Variants in RAB3B observed in about 807,000 individuals in gnomAD.
RAB3B encodes RAB3B, member RAS oncogene family.
Under a neutral mutation model 20.5 loss-of-function variants are expected in RAB3B, and 11 were observed. That is an observed-to-expected ratio of 0.54 (90% CI 0.34 to 0.89). The LOEUF is 0.89. RAB3B is among the 40% of genes least tolerant of loss of function. The probability of loss-of-function intolerance (pLI) is 0.02; values close to 1 mark genes in which losing one functional copy is unlikely to be tolerated. For synonymous variants in RAB3B, 99 were observed against 106.3 expected, an observed-to-expected ratio of 0.93 and a Z score of 0.42; for missense variants, 225 against 280.9, an observed-to-expected ratio of 0.80 and a Z score of 1.42.
chr1:51,954,912 G>T (rs948170283), intron 2 of RAB3B, among the ~76,000 whole-genome samples: 7 of 152,234 alleles, frequency 4.6e-5, no homozygotes, highest in Admixed American at 6.5e-5. Flanking sequence ...GCTAGATCAC[G>T]GAGGTCTTGA....
chr1:51,979,439 T>G (rs942691892), intron 1 of RAB3B, among the ~76,000 whole-genome samples: 1 of 152,000 alleles, frequency 6.6e-6, no homozygotes, highest in African/African-American at 2.4e-5. Context: ...CCTAGTTAAT[T>G]TCTGTATTTT....
chr1:51,968,934 T>G (rs1029641009), intron 2 of RAB3B, among the ~76,000 whole-genome samples: 3 of 152,230 alleles, frequency 2.0e-5, no homozygotes, highest in Admixed American at 1.3e-4. Context: ...TTTGTCCCAT[T>G]GTTTGTCATT....
At chr1:51,974,348 G>C (rs1161399951) in intron 2 of RAB3B, among the ~76,000 whole-genome samples, 2 of 152,170 alleles carry the variant, frequency 1.3e-5, no homozygotes, top group East Asian at 3.8e-4. Flanking sequence ...AAACCACCTG[G>C]AAAATTTGTT....
chr1:51,930,144 C>G (rs1237028418), intron 4 of RAB3B, among the ~76,000 whole-genome samples: 1 of 152,162 alleles, frequency 6.6e-6, no homozygotes, highest in Non-Finnish European at 1.5e-5. Flanking sequence ...TCTTCAAGTG[C>G]CTTCCTAAAA....
At chr1:51,958,000 A>C (rs1684733721) in intron 2 of RAB3B, among the ~76,000 whole-genome samples, 1 of 152,098 alleles carries the variant, frequency 6.6e-6, no homozygotes, top group Admixed American at 6.5e-5. Flanking sequence ...CAACCTCAGA[A>C]TTGCCACCAA....
chr1:51,940,521 G>T (rs2124261004), intron 2 of RAB3B, among the ~76,000 whole-genome samples: 1 of 152,242 alleles, frequency 6.6e-6, no homozygotes. Context: ...TACTTGGGAG[G>T]CTGAGGCACG....
At position 51,920,010 on chromosome 1, in the gene RAB3B, T is replaced by C. The variant is rs748239229; in HGVS notation, c.577A>G (p.Thr193Ala). 3.7e-6 allele frequency: 6 copies of C among 1,614,144 alleles called. No individual in the cohort carries two copies. The South Asian group carries it at 6.6e-5, about 18-fold the overall frequency. Residue 193 changes from threonine (T) to alanine (A), a missense_variant, in exon 5 of 5, where the codon ACA becomes GCA. Transcript: ENST00000371655. ...GAGGAGCCCAGCATCGACGGGTCTGTGTCCAGCGAATCAGACATCTTGTCA... is the reference window on the plus strand; with the variant it reads ...GAGGAGCCCAGCATCGACGGGTCTGCGTCCAGCGAATCAGACATCTTGTCA... Reference protein sequence around the residue: ...ICDKMSDSLDTDPSMLGSSKN... With the variant: ...ICDKMSDSLDADPSMLGSSKN...
intron 2 of RAB3B, among the ~76,000 whole-genome samples, chr1:51,939,518 G>A (rs371677380): frequency 1.3e-5 from 2 of 152,048 alleles, no homozygotes; most frequent in East Asian, 3.9e-4. Context: ...GAACTCCTAG[G>A]CTCAAGTGAT....
chr1:51,956,088 G>A (rs1684702923), intron 2 of RAB3B, among the ~76,000 whole-genome samples: 1 of 152,192 alleles, frequency 6.6e-6, no homozygotes. Flanking sequence ...GTAAGGCTGG[G>A]AGGCAGGAGG....
At chr1:51,985,891 A>G (rs549493052) in intron 1 of RAB3B, among the ~76,000 whole-genome samples, 1 of 151,832 alleles carries the variant, frequency 6.6e-6, no homozygotes, top group African/African-American at 2.4e-5. Context: ...AAGACAAGTG[A>G]TTTGTCCAAG....
At chr1:51,962,971 G>A (rs995743225) in intron 2 of RAB3B, among the ~76,000 whole-genome samples, 4 of 152,038 alleles carry the variant, frequency 2.6e-5, no homozygotes, top group Admixed American at 6.5e-5. Flanking sequence ...TCAATATCAT[G>A]AGATTATACC....
rs1683951264 is a variant in RAB3B, at chr1:51,908,495, C to T, written c.*11432G>A. 6.6e-6 allele frequency: 1 copy of T among 152,022 alleles called. No homozygotes were observed. The highest frequency in any genetic ancestry group is 6.6e-5 in the Admixed American group (1 of 15,222). The allele number at this position is 152,022 out of a possible 1,614,324, so 9.4% of individuals were successfully genotyped here. ...TCTCTGTGTGGCCACAGAGATAGAT[C>T]ATCTGCTCCTGGCTCCTTGATCTGA... On this transcript the variant is annotated 3_prime_UTR_variant, in exon 5 of 5. Transcript: ENST00000371655.
intron 2 of RAB3B, among the ~76,000 whole-genome samples, chr1:51,954,596 T>C (rs890766344): frequency 6.6e-6 from 1 of 152,180 alleles, no homozygotes; most frequent in Admixed American, 6.5e-5. Context: ...ATCACTGTTG[T>C]AGCTGGAGGA....
chr1:51,923,175 G>T (rs1257261041), intron 4 of RAB3B, among the ~76,000 whole-genome samples: 2 of 152,198 alleles, frequency 1.3e-5, no homozygotes, highest in Non-Finnish European at 2.9e-5. Context: ...TGAGTGGGGT[G>T]GGGCAAGGCA....
intron 4 of RAB3B, 38 bp downstream of exon 4, chr1:51,933,280 C>T (rs1684351602): frequency 6.2e-7 from 1 of 1,606,102 alleles, no homozygotes; most frequent in Admixed American, 1.7e-5. Flanking sequence ...AGCATGTGTA[C>T]AAATGCACAC....
At chr1:51,922,224 T>C (rs1684181747) in intron 4 of RAB3B, among the ~76,000 whole-genome samples, 1 of 152,154 alleles carries the variant, frequency 6.6e-6, no homozygotes, top group Admixed American at 6.5e-5. Context: ...AGTGGCAGTG[T>C]TTGGGGAGGT....
At chr1:51,958,125 G>C (rs1282680300) in intron 2 of RAB3B, among the ~76,000 whole-genome samples, 2 of 152,146 alleles carry the variant, frequency 1.3e-5, no homozygotes, top group African/African-American at 4.8e-5. Context: ...GGATGTCCTG[G>C]GATGGCTCTA....
chr1:51,923,714 CA>C (rs56771506), intron 4 of RAB3B, among the ~76,000 whole-genome samples: 2,021 of 74,456 alleles, frequency 0.027, 22 homozygotes, highest in South Asian at 0.14. Context: ...GACTCTGTCT[CA>C]AAAAAAAAAA....
intron 2 of RAB3B, among the ~76,000 whole-genome samples, chr1:51,967,734 T>G (rs12751171): frequency 6.6e-6 from 1 of 151,686 alleles, no homozygotes; most frequent in Non-Finnish European, 1.5e-5. Flanking sequence ...ATGTTGCTGG[T>G]CTCACTCCTG....
Sources: gnomAD v4.1 joint callset for allele counts (sites outside exome capture counted in the v4.1 genomes callset) on GRCh38, gnomAD v4.1.1 for gene constraint, MANE v1.5 for transcripts, NCBI Gene and HGNC (gene_info 2026-07-23, HGNC 2026-07-21) for gene names.